The following CCBE1 variants were observed in gnomAD, a reference collection of about 807,000 sequenced individuals.
CCBE1 encodes collagen and calcium binding EGF domains 1.
In CCBE1, 37 loss-of-function variants were observed where a neutral mutation model predicts 50.0. That is an observed-to-expected ratio of 0.74 (90% CI 0.57 to 0.97). CCBE1 has a LOEUF of 0.97. Among genes scored for constraint, CCBE1 ranks in the 50% least tolerant of loss-of-function variants. CCBE1 has a pLI of 0.00. For missense variants in CCBE1, 538 were observed against 523.8 expected, an observed-to-expected ratio of 1.03 and a Z score of -0.26; for synonymous variants, 234 against 203.7, an observed-to-expected ratio of 1.15 and a Z score of -1.27.
At chr18:59,471,426 C>T (rs1450609437) in intron 3 of CCBE1, among the ~76,000 whole-genome samples, 1 of 152,222 alleles carries the variant, frequency 6.6e-6, no homozygotes, top group Admixed American at 6.5e-5. Context: ...TTCCCTCCAT[C>T]TGGCCAATAC....
At chr18:59,658,651 G>A (rs2054238556) in intron 2 of CCBE1, among the ~76,000 whole-genome samples, 1 of 150,490 alleles carries the variant, frequency 6.6e-6, no homozygotes, top group Non-Finnish European at 1.5e-5. Flanking sequence ...GGAGGCCGAG[G>A]CAGGCAGATC....
intron 5 of CCBE1, among the ~76,000 whole-genome samples, chr18:59,458,735 C>T (rs529703178): frequency 1.1e-4 from 16 of 152,186 alleles, no homozygotes; most frequent in Admixed American, 2.0e-4. Context: ...CTGTTGAGAA[C>T]ACCTGAGAGC....
Position 59,679,417 on chromosome 18 carries a change from C to A in CCBE1, c.212+17212G>T, listed in dbSNP as rs543654048. On this transcript the variant is annotated intron_variant, in intron 2 of 10. Coordinates refer to ENST00000439986, the MANE Select transcript of CCBE1 (RefSeq NM_133459.4). ...ACAATTCCGGTAACATATGAACACC[C>A]TACATTTTAGAGATGAATGCTGACA... Among the ~76,000 whole-genome samples, 3 of 152,284 alleles carry A rather than the reference C, an allele frequency of 2.0e-5. No individual in the cohort carries two copies. In the South Asian group the frequency reaches 6.2e-4, roughly 32 times the overall value.
chr18:59,556,856 A>G (rs1288125648), intron 2 of CCBE1, among the ~76,000 whole-genome samples: 3 of 152,180 alleles, frequency 2.0e-5, no homozygotes, highest in Admixed American at 6.5e-5. Flanking sequence ...GTTTATGGGA[A>G]TATTTATACA....
intron 2 of CCBE1, among the ~76,000 whole-genome samples, chr18:59,633,932 C>A (rs1268930433): frequency 6.6e-6 from 1 of 152,000 alleles, no homozygotes; most frequent in Non-Finnish European, 1.5e-5. Flanking sequence ...TATGTGTTGA[C>A]CCCAAGGTAG....
At chr18:59,498,254 TAATTTGATAAATTATAC>T (rs1412329086) in intron 2 of CCBE1, among the ~76,000 whole-genome samples, 7 of 152,250 alleles carry the variant, frequency 4.6e-5, no homozygotes, top group African/African-American at 1.7e-4. Flanking sequence ...ACAATTGCAT[TAATTTGATAAATTATAC>T]AATTTGATAA....
At chr18:59,543,029 A>G (rs1384762422) in intron 2 of CCBE1, among the ~76,000 whole-genome samples, 1 of 152,206 alleles carries the variant, frequency 6.6e-6, no homozygotes, top group African/African-American at 2.4e-5. Flanking sequence ...TAAAGTAACA[A>G]GCCAACAAGT....
chr18:59,645,641 A>C (rs1599096273), intron 2 of CCBE1, among the ~76,000 whole-genome samples: 1 of 152,222 alleles, frequency 6.6e-6, no homozygotes, highest in Admixed American at 6.5e-5. Flanking sequence ...TAGGACAAAA[A>C]TAATCTGTAG....
chr18:59,697,033 T>C (rs1432091205), intron 1 of CCBE1, among the ~76,000 whole-genome samples, 179 bp downstream of exon 1: 1 of 152,164 alleles, frequency 6.6e-6, no homozygotes, highest in Admixed American at 6.5e-5. Flanking sequence ...GCGCAAAGGC[T>C]GATACCCGGG....
chr18:59,477,542 G>C (rs200413537), intron 3 of CCBE1, among the ~76,000 whole-genome samples: 38,825 of 99,210 alleles, frequency 0.39, 5,120 homozygotes, highest in Middle Eastern at 0.44. Flanking sequence ...ATGTCTCTGT[G>C]TGTGTGTGTG....
At chr18:59,558,652 C>A (rs947891221) in intron 2 of CCBE1, among the ~76,000 whole-genome samples, 2 of 152,146 alleles carry the variant, frequency 1.3e-5, no homozygotes, top group Non-Finnish European at 2.9e-5. Flanking sequence ...TTTGACATGG[C>A]GGGCATGCTG....
At chr18:59,458,903 A>G (rs1911333322) in intron 5 of CCBE1, among the ~76,000 whole-genome samples, 2 of 152,232 alleles carry the variant, frequency 1.3e-5, no homozygotes, top group African/African-American at 4.8e-5. Context: ...GCAGAAGTAC[A>G]CAGCATGGTA....
At chr18:59,479,271 T>G (rs1321654017) in intron 3 of CCBE1, among the ~76,000 whole-genome samples, 1 of 152,140 alleles carries the variant, frequency 6.6e-6, no homozygotes, top group Non-Finnish European at 1.5e-5. Flanking sequence ...GAACCCTCTG[T>G]AGCCCTCTAC....
At chr18:59,645,222 C>T (rs953201416) in intron 2 of CCBE1, among the ~76,000 whole-genome samples, 4 of 141,336 alleles carry the variant, frequency 2.8e-5, no homozygotes, top group Non-Finnish European at 4.7e-5. Context: ...AACGAGACTC[C>T]GTCTCAACAA....
At chr18:59,680,711 A>ATAAAATAAAAAAAAT (rs2054578091) in intron 2 of CCBE1, among the ~76,000 whole-genome samples, 1 of 152,106 alleles carries the variant, frequency 6.6e-6, no homozygotes, top group African/African-American at 2.4e-5. Flanking sequence ...AAAAAAAAGA[A>ATAAAATAAAAAAAAT]AAAACAAAAC....
At chr18:59,620,751 T>C (rs2053700779) in intron 2 of CCBE1, among the ~76,000 whole-genome samples, 1 of 152,242 alleles carries the variant, frequency 6.6e-6, no homozygotes, top group Non-Finnish European at 1.5e-5. Flanking sequence ...CTCTTCCTTC[T>C]TCTTCTGTCA....
At chr18:59,654,050 T>A (rs1299308484) in intron 2 of CCBE1, among the ~76,000 whole-genome samples, 3 of 152,070 alleles carry the variant, frequency 2.0e-5, no homozygotes, top group African/African-American at 7.2e-5. Context: ...TAAAAGTAGG[T>A]TGGAAAAAAA....
intron 7 of CCBE1, among the ~76,000 whole-genome samples, chr18:59,444,424 C>T (rs1056029866): frequency 6.6e-6 from 1 of 151,980 alleles, no homozygotes; most frequent in African/African-American, 2.4e-5. Flanking sequence ...TGAGGAATCT[C>T]CACACTCTTT....
intron 2 of CCBE1, among the ~76,000 whole-genome samples, chr18:59,600,748 C>T (rs759349543): frequency 3.9e-5 from 6 of 152,298 alleles, no homozygotes; most frequent in Non-Finnish European, 5.9e-5. Context: ...ACCAACTCCT[C>T]CCTTCTCAGC....
Sources: gnomAD v4.1 joint callset for allele counts (sites outside exome capture counted in the v4.1 genomes callset) on GRCh38, gnomAD v4.1.1 for gene constraint, MANE v1.5 for transcripts, NCBI Gene and HGNC (gene_info 2026-07-23, HGNC 2026-07-21) for gene names.